The following CPT1C variants were observed in gnomAD, a reference collection of about 807,000 sequenced individuals.
CPT1C encodes the protein carnitine palmitoyltransferase 1C.
CPT1C carries 61 observed loss-of-function variants against 97.3 expected under a neutral mutation model. That is an observed-to-expected ratio of 0.63 (90% CI 0.51 to 0.78). CPT1C has a LOEUF of 0.78. CPT1C is among the 30% of genes least tolerant of loss of function. The pLI is 0.00. For synonymous variants in CPT1C, 469 were observed against 447.2 expected (o/e 1.05, Z -0.61); for missense variants, 975 against 1,065.5 (o/e 0.92, Z 1.18).
At chr19:49,712,929 G>A (rs1313998360) in intron 18 of CPT1C, 43 bp from the exon 19 acceptor site, 6 of 1,598,654 alleles carry the variant, frequency 3.8e-6, no homozygotes, top group Admixed American at 3.3e-5. Flanking sequence ...GGGGGTGGAG[G>A]GGACCGGAGC....
chr19:49,703,668 T>A (rs555418945), intron 7 of CPT1C, among the ~76,000 whole-genome samples: 5 of 147,538 alleles, frequency 3.4e-5, no homozygotes, highest in Non-Finnish European at 7.5e-5. Context: ...GGTCTCACTC[T>A]GTCACCCAGG....
At chr19:49,699,359 G>T (rs1037829010) in intron 4 of CPT1C, among the ~76,000 whole-genome samples, 2 of 147,336 alleles carry the variant, frequency 1.4e-5, no homozygotes, top group Non-Finnish European at 3.0e-5. Context: ...CGGGCACAGT[G>T]GCTCACACTT....
intron 7 of CPT1C, among the ~76,000 whole-genome samples, chr19:49,703,614 T>TTCCTTCCTTCCTTCCTTCCTTCCC: frequency 8.5e-6 from 1 of 117,168 alleles, no homozygotes. Flanking sequence ...CCTTCCTTCC[T>TTCCTTCCTTCCTTCCTTCCTTCCC]TCCTTCTCTC....
rs2082334901 is a variant in CPT1C at position 49,691,354 on chromosome 19, C to G, written c.-84+14C>G. The G allele has an allele frequency of 6.6e-6, 1 of 151,350 alleles. No homozygotes were observed. Among genetic ancestry groups the G allele is most frequent in the Non-Finnish European group, 1.5e-5 (1 of 67,724 alleles). The allele number at this position is 151,350 out of a possible 1,614,324, so 9.4% of individuals were successfully genotyped here. On this transcript the variant is annotated intron_variant, in intron 1 of 19. Coordinates refer to ENST00000598293, the MANE Select transcript of CPT1C (RefSeq NM_001199753.2). ...TGATTCAACGTGGTAAGTACTGGAC[C>G]CCAGGGGCTCGGGCTCCGGCGGGGC...
chr19:49,713,133 C>G, intron 19 of CPT1C, 69 bp downstream of exon 19: 1 of 1,372,030 alleles, frequency 7.3e-7, no homozygotes, highest in Non-Finnish European at 1.0e-6. Flanking sequence ...CCCCCAGCCC[C>G]TCCTCCCTCA....
At chr19:49,709,260 C>G (rs2083697998) in intron 14 of CPT1C, among the ~76,000 whole-genome samples, 1 of 151,858 alleles carries the variant, frequency 6.6e-6, no homozygotes, top group East Asian at 1.9e-4. Context: ...CATACCCAAC[C>G]CCAACCCCAT....
At chr19:49,702,400 G>A (rs549609563) in intron 7 of CPT1C, among the ~76,000 whole-genome samples, 9 of 150,608 alleles carry the variant, frequency 6.0e-5, no homozygotes, top group African/African-American at 1.9e-4. Context: ...GGCGGATCAC[G>A]TGAGGTCAAG....
rs1238695592 is a variant in CPT1C, at chr19:49,704,752, A to C, written c.736A>C (p.Asn246His). 1.2e-6 allele frequency: 2 copies of C among 1,614,004 alleles called. No individual in the cohort carries two copies. Among genetic ancestry groups the C allele is most frequent in the South Asian group, 1.1e-5 (1 of 91,058 alleles). Reference protein sequence around the residue: ...WEEFVYLRSRNPLMVNSNYYM... With the variant: ...WEEFVYLRSRHPLMVNSNYYM... The stretch of plus-strand genomic sequence containing the variant: ...GGAATTTGTGTACCTGCGCTCCCGA[A>C]ATCCGCTGATGGTGAACAGCAACTA... The change falls in exon 8 of 20, where the codon AAT (asparagine) becomes CAT (histidine). Residue 246 changes from asparagine to histidine, a missense_variant. Transcript: ENST00000598293.
intron 17 of CPT1C, 159 bp from the exon 18 acceptor site, chr19:49,712,577 G>A (rs2083968720): frequency 3.2e-6 from 2 of 622,436 alleles, no homozygotes; most frequent in Non-Finnish European, 5.8e-6. Flanking sequence ...AGTGAGGGGC[G>A]TGGCCAGATA....
rs767148126 is a variant in CPT1C at position 49,701,486 on chromosome 19, C to T, written c.556-11C>T. ...GGCCGGGGGCGTGACCTGCCCTCTTCTCCCCTTTAGTACCTGGAGTCGGTC... is the reference window on the plus strand; with the variant it reads ...GGCCGGGGGCGTGACCTGCCCTCTTTTCCCCTTTAGTACCTGGAGTCGGTC... On this transcript the variant is annotated splice_polypyrimidine_tract_variant and intron_variant, in intron 6 of 19. Coordinates refer to ENST00000598293, the MANE Select transcript of CPT1C (RefSeq NM_001199753.2). The T allele has an allele frequency of 7.5e-6, 12 of 1,601,156 alleles. No individual in the cohort carries two copies. The South Asian group carries it at 9.9e-5, about 13-fold the overall frequency.
Position 49,701,510 on chromosome 19 carries a change from TCCGGCC to T in CPT1C, c.571_576del (p.Arg191_Pro192del). On this transcript the variant is annotated inframe_deletion, in exon 7 of 20. Coordinates refer to ENST00000598293, the MANE Select transcript of CPT1C (RefSeq NM_001199753.2). ...TCTCCCCTTTAGTACCTGGAGTCGG[TCCGGCC>T]CATCCTCTCCGACGAGGACTTCGAC... 1 of 1,609,014 alleles carries T rather than the reference TCCGGCC, an allele frequency of 6.2e-7. No homozygotes were observed. Among genetic ancestry groups the T allele is most frequent in the Non-Finnish European group, 8.5e-7 (1 of 1,176,626 alleles).
chr19:49,695,394 C>T (rs1247492109), intron 3 of CPT1C, among the ~76,000 whole-genome samples: 4 of 150,348 alleles, frequency 2.7e-5, no homozygotes, highest in Non-Finnish European at 5.9e-5. Flanking sequence ...AGCTATTCTC[C>T]TTCCTCAGCT....
chr19:49,696,484 TCTTA>T (rs1199983138), intron 3 of CPT1C: 1 of 144,156 alleles, frequency 6.9e-6, no homozygotes, highest in Non-Finnish European at 1.5e-5. Context: ...TGAGACAGGG[TCTTA>T]CTTACTTTGT....
chr19:49,694,917 G>A (rs2082575201), intron 3 of CPT1C, among the ~76,000 whole-genome samples: 1 of 152,146 alleles, frequency 6.6e-6, no homozygotes, highest in African/African-American at 2.4e-5. Flanking sequence ...GAGGCGGGCA[G>A]ATCACGAGGT....
At chr19:49,710,249 G>A (rs1439647784) in intron 14 of CPT1C, 71 bp from the exon 15 acceptor site, 8 of 1,486,832 alleles carry the variant, frequency 5.4e-6, no homozygotes, top group African/African-American at 1.4e-5. Flanking sequence ...TCCGCTTCCA[G>A]CCTTATTCCT....
rs2083899231 is a variant in CPT1C at position 49,711,729 on chromosome 19, T to A, written c.1867-80T>A. The A allele has an allele frequency of 2.1e-6, 3 of 1,450,032 alleles. No individual in the cohort carries two copies. In the East Asian group the frequency reaches 6.9e-5, roughly 34 times the overall value. The allele number at this position is 1,450,032 out of a possible 1,614,324, so 89.8% of individuals were successfully genotyped here. A position where few individuals can be genotyped will look rare whatever the true frequency, so the allele number is the denominator to read the frequency against. On this transcript the variant is annotated intron_variant, in intron 16 of 19. Coordinates refer to ENST00000598293, the MANE Select transcript of CPT1C (RefSeq NM_001199753.2). ...CTTGCAGGGATGTGGCAAACTCAGTTGAGGCCAGATGTGCCGCAGGCCCAG... is the reference window on the plus strand; with the variant it reads ...CTTGCAGGGATGTGGCAAACTCAGTAGAGGCCAGATGTGCCGCAGGCCCAG...
intron 3 of CPT1C, 142 bp downstream of exon 3, chr19:49,692,535 C>T (rs1268569207): frequency 1.9e-6 from 2 of 1,068,018 alleles, no homozygotes; most frequent in Non-Finnish European, 1.3e-6. Flanking sequence ...TGTCTGCTCC[C>T]AGGACCCCTT....
In CPT1C at chr19:49,710,479, T is replaced by C; in HGVS notation, c.1726T>C (p.Phe576Leu). The change falls in exon 15 of 20, where the codon TTC becomes CTC. Residue 576 changes from phenylalanine (F) to leucine (L), a missense_variant. Transcript: ENST00000598293. ...CCAGATCGCCTTGCAACTGGCCCACTTCCGGGTCAGTTGGGTTCCCCATCC... is the reference window on the plus strand; with the variant it reads ...CCAGATCGCCTTGCAACTGGCCCACCTCCGGGTCAGTTGGGTTCCCCATCC... Reference protein sequence around the residue: ...FIQIALQLAHFRDRGQFCLTY... With the variant: ...FIQIALQLAHLRDRGQFCLTY... 3.1e-6 allele frequency: 5 copies of C among 1,614,174 alleles called. No individual in the cohort carries two copies. Among genetic ancestry groups the C allele is most frequent in the Non-Finnish European group, 4.2e-6 (5 of 1,180,038 alleles).
chr19:49,701,409 C>G lies in CPT1C; in HGVS notation c.546C>G (p.Thr182=), dbSNP rs775822664. The change falls in exon 6 of 20, where the codon ACC becomes ACG. Residue 182 remains threonine (T), a synonymous_variant. Coordinates refer to ENST00000598293, the MANE Select transcript of CPT1C (RefSeq NM_001199753.2). ...AGCCCGTGCCCTCTGTGCAGGACAC[C>G]GTGCGCAAGGTGGGCCTGGGAGCGC... ...PRQPVPSVQD[T]VRKYLESVRP... 1.9e-6 allele frequency: 3 copies of G among 1,610,330 alleles called. No individual in the cohort carries two copies. Among genetic ancestry groups the G allele is most frequent in the African/African-American group, 1.3e-5 (1 of 74,884 alleles).
Sources: allele counts gnomAD v4.1 joint callset (sites outside exome capture counted in the v4.1 genomes callset), GRCh38; gene constraint gnomAD v4.1.1; transcripts MANE v1.5; gene names NCBI Gene and HGNC (gene_info 2026-07-23, HGNC 2026-07-21).